BACH2: variants seen among roughly 807,000 people sequenced by gnomAD.
BACH2 encodes the protein BACH transcriptional regulator 2.
In BACH2, 5 loss-of-function variants were observed where a neutral mutation model predicts 61.8. That is an observed-to-expected ratio of 0.08 (90% CI 0.04 to 0.17). The LOEUF is 0.17. Ranked by LOEUF, BACH2 falls within the 10% of genes least tolerant of loss-of-function variation. The probability of loss-of-function intolerance (pLI) is 1.00; values close to 1 mark genes in which losing one functional copy is unlikely to be tolerated. For synonymous variants in BACH2, 446 were observed against 440.1 expected (o/e 1.01, Z -0.17); for missense variants, 824 against 1,091.1 (o/e 0.76, Z 3.45).
At chr6:90,227,085 T>A (rs571410446) in intron 3 of BACH2, among the ~76,000 whole-genome samples, 20 of 152,248 alleles carry the variant, frequency 1.3e-4, no homozygotes, top group Non-Finnish European at 2.1e-4. Context: ...AAGGCCTTCA[T>A]CCATTTGATT....
At chr6:90,037,580 C>T (rs987931738) in intron 5 of BACH2, among the ~76,000 whole-genome samples, 1 of 152,194 alleles carries the variant, frequency 6.6e-6, no homozygotes, top group South Asian at 2.1e-4. Context: ...AAGAGCTCAA[C>T]AGCACGCTTC....
intron 3 of BACH2, among the ~76,000 whole-genome samples, chr6:90,227,544 T>A (rs1769956835): frequency 6.6e-6 from 1 of 152,182 alleles, no homozygotes; most frequent in African/African-American, 2.4e-5. Flanking sequence ...CTCTGACCCC[T>A]CCATTTCAAA....
chr6:90,202,582 G>T (rs10806424), intron 4 of BACH2, among the ~76,000 whole-genome samples: 66,039 of 151,952 alleles, frequency 0.43, 16,065 homozygotes, highest in South Asian at 0.56. Flanking sequence ...ACATAACAAG[G>T]AAGAAACAGT....
intron 2 of BACH2, among the ~76,000 whole-genome samples, chr6:90,261,956 G>A (rs1323809038): frequency 6.6e-6 from 1 of 152,132 alleles, no homozygotes; most frequent in East Asian, 1.9e-4. Context: ...GGAGCAGAGT[G>A]ACCCTCTCGC....
rs1209742647 is a variant in BACH2 at position 90,286,774 on chromosome 6, A to G, written c.-446+9706T>C. 2.6e-5 allele frequency among the ~76,000 whole-genome samples: 4 copies of G among 152,182 alleles called. No homozygotes were observed. The East Asian group carries it at 7.7e-4, about 29-fold the overall frequency. ...TCTTACTTTGGCATAAAGTATTGTT[A>G]GAAAAAAAATCTTTATACTTACCGG... On this transcript the variant is annotated intron_variant, in intron 1 of 8. Transcript: ENST00000257749.
intron 5 of BACH2, among the ~76,000 whole-genome samples, chr6:90,028,713 C>T (rs905679228): frequency 1.3e-5 from 2 of 152,158 alleles, no homozygotes; most frequent in African/African-American, 4.8e-5. Flanking sequence ...CCATTAGATA[C>T]TGCATACAAA....
At chr6:90,203,506 G>C (rs1769029751) in intron 4 of BACH2, among the ~76,000 whole-genome samples, 1 of 151,738 alleles carries the variant, frequency 6.6e-6, no homozygotes, top group Non-Finnish European at 1.5e-5. Context: ...ATGAACACTG[G>C]AAAGATGGTC....
In BACH2 at chr6:89,951,431, T is replaced by A; in HGVS notation, c.675A>T (p.Leu225Phe). Residue 225 changes from leucine (L) to phenylalanine (F), a missense_variant, in exon 7 of 9, where the codon TTA (leucine) becomes TTT (phenylalanine). This residue lies in a region of BACH2 where 19 missense variants were observed against 44.2 expected (regional missense o/e 0.43). Coordinates refer to ENST00000257749, the MANE Select transcript of BACH2 (RefSeq NM_021813.4). The surrounding 1 kb of genome is among the most constrained non-coding windows in gnomAD (Gnocchi z 6.4). The stretch of plus-strand genomic sequence containing the variant: ...ATTTCTTGTATCTGGGGTACTGCGT[T>A]AACGCGTCCTTTTCTGAGCTCTCCT... The part of the protein sequence containing the change: ...DTKESSEKDA[L>F]TQYPRYKKYQ... 1 of 1,614,258 alleles carries A rather than the reference T, an allele frequency of 6.2e-7. No homozygotes were observed. Among genetic ancestry groups the A allele is most frequent in the Non-Finnish European group, 8.5e-7 (1 of 1,180,050 alleles).
At chr6:90,281,651 G>A (rs1237449647) in intron 1 of BACH2, among the ~76,000 whole-genome samples, 3 of 152,008 alleles carry the variant, frequency 2.0e-5, no homozygotes, top group Admixed American at 6.6e-5. Context: ...AACTTTACAT[G>A]AATAGAATCA....
intron 6 of BACH2, among the ~76,000 whole-genome samples, chr6:89,987,543 G>T (rs955428235): frequency 1.3e-5 from 2 of 152,174 alleles, no homozygotes; most frequent in African/African-American, 4.8e-5. Context: ...ACCATGTAAA[G>T]ATGAGATTAG....
chr6:90,225,066 T>TAACAACAACAAC (rs749374458), intron 3 of BACH2, among the ~76,000 whole-genome samples: 98 of 151,420 alleles, frequency 6.5e-4, no homozygotes, highest in African/African-American at 2.2e-3. Context: ...AAATACATCA[T>TAACAACAACAAC]AACAACAACA....
At chr6:90,156,259 C>T (rs1295246287) in intron 4 of BACH2, among the ~76,000 whole-genome samples, 1 of 152,158 alleles carries the variant, frequency 6.6e-6, no homozygotes, top group Non-Finnish European at 1.5e-5. Flanking sequence ...TATAGCACTT[C>T]CCAGGCATAA....
At chr6:90,246,018 G>A (rs962185829) in intron 3 of BACH2, among the ~76,000 whole-genome samples, 3 of 152,166 alleles carry the variant, frequency 2.0e-5, no homozygotes, top group South Asian at 4.1e-4. Context: ...GGAGTGGGAC[G>A]TGGCAGAAGT....
At chr6:90,170,010 A>G (rs765013458) in intron 4 of BACH2, among the ~76,000 whole-genome samples, 22 of 152,192 alleles carry the variant, frequency 1.4e-4, no homozygotes, top group Non-Finnish European at 2.6e-4. Flanking sequence ...TTGAAGTTCT[A>G]TTGTGATCAA....
chr6:90,109,165 AT>A (rs557285708), intron 4 of BACH2, among the ~76,000 whole-genome samples: 78 of 151,512 alleles, frequency 5.1e-4, no homozygotes, highest in Admixed American at 1.4e-3. Context: ...CCTGTTGTAG[AT>A]TTTTTTTTGT....
At chr6:89,983,610 G>A (rs772590451) in intron 6 of BACH2, among the ~76,000 whole-genome samples, 3 of 152,052 alleles carry the variant, frequency 2.0e-5, no homozygotes, top group Non-Finnish European at 4.4e-5. Context: ...CAGAGGTTGC[G>A]GTGAGCCGAG....
At chr6:90,087,224 T>C (rs957318324) in intron 5 of BACH2, among the ~76,000 whole-genome samples, 3 of 152,212 alleles carry the variant, frequency 2.0e-5, no homozygotes, top group African/African-American at 7.2e-5. Context: ...AGAGTTATAA[T>C]AAGAGAACTG....
At chr6:90,147,904 T>C (rs1433554979) in intron 4 of BACH2, among the ~76,000 whole-genome samples, 1 of 152,044 alleles carries the variant, frequency 6.6e-6, no homozygotes, top group African/African-American at 2.4e-5. Context: ...AAAACAGTAA[T>C]ACAAAGAACC....
At chr6:90,287,258 T>G (rs1412914543) in intron 1 of BACH2, among the ~76,000 whole-genome samples, 2 of 152,232 alleles carry the variant, frequency 1.3e-5, no homozygotes, top group African/African-American at 4.8e-5. Context: ...GTCACCACCA[T>G]GCTGACACCA....
Sources: allele counts gnomAD v4.1 joint callset (sites outside exome capture counted in the v4.1 genomes callset), GRCh38; gene constraint gnomAD v4.1.1; regional missense constraint gnomAD v4.1.1; non-coding constraint Gnocchi (gnomAD v3.1); transcripts MANE v1.5; gene names NCBI Gene and HGNC (gene_info 2026-07-23, HGNC 2026-07-21).